The following BTBD19 variants were observed in gnomAD, a reference collection of about 807,000 sequenced individuals.
The protein encoded by BTBD19 is BTB/POZ domain-containing protein 19.
Under a neutral mutation model 36.1 loss-of-function variants are expected in BTBD19, and 20 were observed. The ratio of observed to expected loss-of-function variants is 0.55; its 90% CI spans 0.39 to 0.80. The LOEUF is 0.80. Among genes scored for constraint, BTBD19 ranks in the 30% least tolerant of loss-of-function variants. The pLI, the probability that BTBD19 is intolerant of heterozygous loss-of-function variation, is 0.00. For missense variants in BTBD19, 325 were observed against 389.8 expected (o/e 0.83, Z 1.40); for synonymous variants, 157 against 174.3 (o/e 0.90, Z 0.78).
At chr1:44,812,688 G>A (rs774167270) in intron 4 of BTBD19, among the ~76,000 whole-genome samples, 2 of 152,122 alleles carry the variant, frequency 1.3e-5, no homozygotes, top group Admixed American at 6.5e-5. Context: ...AACAGAGTGA[G>A]ACTCTGCCTC....
downstream of BTBD19, chr1:44,814,227 TTTCC>T (rs71587724): frequency 0.24 from 24,961 of 105,956 alleles, 3,073 homozygotes; most frequent in East Asian, 0.32. Context: ...TTTCTTTCTC[TTTCC>T]TTCCTTCCTT....
At position 44,812,786 on chromosome 1, in the gene BTBD19, CGTGTGTGTGTGTGTGTGTGTGTGT is replaced by C. The variant is rs6143210; in HGVS notation, c.415-181_415-158del. On this transcript the variant is annotated intron_variant, in intron 4 of 7. Transcript: ENST00000450269. Reference sequence around the variant, plus strand: ...AAGAGCAGGTTGTAGAGTGAGTCCACGTGTGTGTGTGTGTGTGTGTGTGTGTGTGTGTGTGTGTGTGTGTGTGTG... The same window carrying C: ...AAGAGCAGGTTGTAGAGTGAGTCCACGTGTGTGTGTGTGTGTGTGTGTGTG... Among the ~76,000 whole-genome samples the C allele has an allele frequency of 2.8e-4, 38 of 135,046 alleles. 1 individual carries two copies. Among genetic ancestry groups the C allele is most frequent in the Admixed American group, 3.7e-4 (5 of 13,592 alleles). The allele number at this position is 135,046 out of a possible 152,430, so 88.6% of individuals were successfully genotyped here.
chr1:44,814,060 C>A, exon 8 of BTBD19: 1 of 567,858 alleles, frequency 1.8e-6, no homozygotes, highest in Non-Finnish European at 3.2e-6. Flanking sequence ...ACGCCCTGCC[C>A]CTGGGCATTG....
exon 1 of BTBD19, chr1:44,808,533 T>TCGCCGCCGC: frequency 1.0e-5 from 3 of 300,840 alleles, no homozygotes; most frequent in Non-Finnish European, 1.8e-5. Flanking sequence ...AGGGCCTCTT[T>TCGCCGCCGC]CGCCGCCGCC....
Position 44,810,176 on chromosome 1 carries a change from G to T in BTBD19, c.87-37G>T, listed in dbSNP as rs1341868855. The T allele has an allele frequency of 6.6e-7, 1 of 1,517,600 alleles. No individual in the cohort carries two copies. The highest frequency in any genetic ancestry group is 1.2e-5 in the South Asian group (1 of 83,342). 94.0% of individuals were successfully genotyped at this position (1,517,600 alleles called of 1,614,324 possible). ...AGCCCAAGTTGCACTCCGGGTGCTG[G>T]CCTCCTCCCCGCTGCCTCTCTGCCT... On this transcript the variant is annotated intron_variant, in intron 1 of 7. Coordinates refer to ENST00000450269, the Ensembl canonical transcript of BTBD19. This position sits in a 1 kb window ranked among gnomAD's most constrained non-coding sequence, Gnocchi z 4.2.
intron 3 of BTBD19, among the ~76,000 whole-genome samples, chr1:44,811,220 C>CAAAA (rs35007342): frequency 1.4e-5 from 1 of 71,208 alleles, no homozygotes; most frequent in Non-Finnish European, 2.7e-5. Flanking sequence ...GACTTGCCCT[C>CAAAA]AAAAAAAAAA....
At chr1:44,811,695 A>G (rs1025370547) in intron 3 of BTBD19, 1 of 270,518 alleles carries the variant, frequency 3.7e-6, no homozygotes, top group Non-Finnish European at 7.6e-6. Context: ...ATGAAATTCA[A>G]GTTTCTGCTA....
Position 44,813,224 on chromosome 1 carries a change from G to A in BTBD19, c.570G>A (p.Glu190=), listed in dbSNP as rs558255496. 1,369 of 1,543,086 alleles carry A rather than the reference G, an allele frequency of 8.9e-4. No individual in the cohort carries two copies. The highest frequency in any genetic ancestry group is 1.1e-3 in the Non-Finnish European group (1,304 of 1,144,920). ...GCAGCGACAAGCTCTGCGTGGACGA[G>A]GCTGAACTGGTCCGCGCGGCCCGAA... Residue 190 remains glutamate (E), a synonymous_variant, in exon 6 of 8, where the codon GAG becomes GAA. Coordinates refer to ENST00000450269, the Ensembl canonical transcript of BTBD19. This position sits in a 1 kb window ranked among gnomAD's most constrained non-coding sequence, Gnocchi z 7.8.
rs1440074148 is a variant in BTBD19 at position 44,813,412 on chromosome 1, G to A, written c.654G>A (p.Pro218=). Residue 218 remains proline (P), a synonymous_variant, in exon 7 of 8, where the codon CCG becomes CCA. Transcript: ENST00000450269. This position sits in a 1 kb window ranked among gnomAD's most constrained non-coding sequence, Gnocchi z 7.8. ...GGCCGGTGGCTGAGGTGGCGGCCCC[G>A]GTGGTGAAAGAGCTGAGACTAGCCT... 7 of 1,541,546 alleles carry A rather than the reference G, an allele frequency of 4.5e-6. No individual in the cohort carries two copies. Among genetic ancestry groups the A allele is most frequent in the Non-Finnish European group, 6.1e-6 (7 of 1,146,516 alleles).
At chr1:44,814,148 C>CTT (rs60343664), downstream of BTBD19, 448 of 159,348 alleles carry the variant, frequency 2.8e-3, 1 homozygote, top group Admixed American at 8.2e-3. Flanking sequence ...CTTTTTCTTT[C>CTT]TCTTTCTTTC....
chr1:44,811,231 A>G (rs1023358953), intron 3 of BTBD19, among the ~76,000 whole-genome samples: 1 of 151,904 alleles, frequency 6.6e-6, no homozygotes, highest in African/African-American at 2.4e-5. Context: ...AAAAAAAAAA[A>G]AAAAAAAAGA....
rs1452372272 is a variant in BTBD19, at chr1:44,813,002, G to C, written c.421G>C (p.Val141Leu). 9.7e-6 allele frequency: 15 copies of C among 1,550,524 alleles called. 1 individual carries two copies. Among genetic ancestry groups the C allele is most frequent in the South Asian group, 2.4e-5 (2 of 83,910 alleles). ...TCCCTCATTCTGCTCGCAGGTGGCC[G>C]TAACCTTTGGCCTGGGGCAGCTGCA... Residue 141 changes from valine (V) to leucine (L), a missense_variant, in exon 5 of 8, where the codon GTA becomes CTA. By Grantham distance (32) the Val-to-Leu change is conservative. Coordinates refer to ENST00000450269, the Ensembl canonical transcript of BTBD19. The surrounding 1 kb of genome is among the most constrained non-coding windows in gnomAD (Gnocchi z 7.8).
At chr1:44,808,678 T>C (rs1652249438) in exon 1 of BTBD19, 1 of 584,652 alleles carries the variant, frequency 1.7e-6, no homozygotes, top group Admixed American at 3.3e-5. Context: ...GGGCCTCTCC[T>C]GCTCCACTCC....
chr1:44,814,045 A>C (rs1405285977), exon 8 of BTBD19: 2 of 570,572 alleles, frequency 3.5e-6, no homozygotes, highest in African/African-American at 3.8e-5. Context: ...CCACACCCTG[A>C]CTCTACGCCC....
chr1:44,812,431 C>T (rs1417445086), intron 4 of BTBD19: 1 of 454,852 alleles, frequency 2.2e-6, no homozygotes, highest in Admixed American at 2.3e-5. Context: ...CTGGGTCAGG[C>T]ACAACGGCTC....
Position 44,810,742 on chromosome 1 carries a change from G to A in BTBD19, c.354+135G>A. ...AGAGAAGTATGTATATCTCTCCCAAGTAAGTAGGGCATGTATGTGTGCCTG... is the reference window on the plus strand; with the variant it reads ...AGAGAAGTATGTATATCTCTCCCAAATAAGTAGGGCATGTATGTGTGCCTG... On this transcript the variant is annotated intron_variant, in intron 3 of 7. Transcript: ENST00000450269. This position sits in a 1 kb window ranked among gnomAD's most constrained non-coding sequence, Gnocchi z 4.2. 1.2e-6 allele frequency: 1 copy of A among 805,768 alleles called. No homozygotes were observed. Among genetic ancestry groups the A allele is most frequent in the South Asian group, 1.8e-5 (1 of 56,788 alleles). 49.9% of individuals were successfully genotyped at this position (805,768 alleles called of 1,614,324 possible).
intron 1 of BTBD19, among the ~76,000 whole-genome samples, chr1:44,809,148 C>T (rs1197680109): frequency 6.6e-6 from 1 of 152,118 alleles, no homozygotes; most frequent in Non-Finnish European, 1.5e-5. Flanking sequence ...CAAAGCCCTT[C>T]CTTCTTTGGA....
rs1652364330 is a variant in BTBD19 at position 44,810,632 on chromosome 1, T to A, written c.354+25T>A. 1 of 1,523,782 alleles carries A rather than the reference T, an allele frequency of 6.6e-7. No homozygotes were observed. Among genetic ancestry groups the A allele is most frequent in the African/African-American group, 1.4e-5 (1 of 72,534 alleles). 94.4% of individuals were successfully genotyped at this position (1,523,782 alleles called of 1,614,324 possible). A position where few individuals can be genotyped will look rare whatever the true frequency, so the allele number is the denominator to read the frequency against. On this transcript the variant is annotated intron_variant, in intron 3 of 7. Transcript: ENST00000450269. This position sits in a 1 kb window ranked among gnomAD's most constrained non-coding sequence, Gnocchi z 4.2. ...GGTGGGTTTTTGTGCCAGGTCCCTG[T>A]CTCATTTCCCTTGCTTCTCACGGGC... is the stretch of plus-strand genomic sequence containing the variant.
intron 3 of BTBD19, among the ~76,000 whole-genome samples, chr1:44,811,459 G>A (rs774156318): frequency 1.3e-5 from 2 of 152,196 alleles, no homozygotes; most frequent in Non-Finnish European, 2.9e-5. Flanking sequence ...TGAACTGTGA[G>A]GAGAGGGCAA....
Sources: allele counts gnomAD v4.1 joint callset (sites outside exome capture counted in the v4.1 genomes callset), GRCh38; gene constraint gnomAD v4.1.1; non-coding constraint Gnocchi (gnomAD v3.1); transcripts MANE v1.5; gene names NCBI Gene and HGNC (gene_info 2026-07-23, HGNC 2026-07-21).